NHSL2: variants seen among roughly 807,000 people sequenced by gnomAD.
NHSL2 encodes the protein NHS-like protein 2.
A neutral mutation model predicts 53.4 loss-of-function variants in NHSL2; 27 were observed. The ratio of observed to expected loss-of-function variants is 0.51; its 90% confidence interval spans 0.37 to 0.70. The LOEUF (loss-of-function observed/expected upper bound fraction) is 0.70. NHSL2 is among the 30% of genes least tolerant of loss of function. NHSL2 has a pLI of 0.00. For synonymous variants in NHSL2, 408 were observed against 404.1 expected (o/e 1.01, Z -0.12); for missense variants, 892 against 980.1 (o/e 0.91, Z 1.20).
chrX:72,012,455 T>C (rs757840655), intron 1 of NHSL2, among the ~76,000 whole-genome samples: 36 of 112,531 alleles, frequency 3.2e-4, no homozygotes, highest in Admixed American at 1.9e-3. Flanking sequence ...TAGGAGAGGA[T>C]CCTTCCTTGT....
chrX:72,001,007 C>T (rs922735673), intron 1 of NHSL2, among the ~76,000 whole-genome samples: 6 of 111,575 alleles, frequency 5.4e-5, no homozygotes, highest in African/African-American at 2.0e-4. Context: ...TTTTAGTGGT[C>T]ACAAAATCTG....
At position 72,081,733 on chromosome X, in the gene NHSL2, T is replaced by C. The variant is rs1001103055; in HGVS notation, c.281-50346T>C. ...TTATTTCTCTTCTCTATTGCCTCCT[T>C]TCTACTCTCTAAAAACAGAGCTGAG... is the stretch of plus-strand genomic sequence containing the variant. On this transcript the variant is annotated intron_variant, in intron 1 of 7. Coordinates refer to ENST00000633930, the MANE Select transcript of NHSL2 (RefSeq NM_001013627.3). 3.6e-5 allele frequency among the ~76,000 whole-genome samples: 4 copies of C among 112,587 alleles called. No individual in the cohort carries two copies. In the South Asian group the frequency reaches 1.1e-3, roughly 31 times the overall value.
intron 1 of NHSL2, among the ~76,000 whole-genome samples, chrX:72,119,471 G>T (rs886577513): frequency 2.6e-4 from 29 of 111,996 alleles, no homozygotes; most frequent in African/African-American, 9.1e-4. Context: ...CAAGTTTCAC[G>T]CCATGTTTGT....
intron 1 of NHSL2, among the ~76,000 whole-genome samples, chrX:71,921,032 T>G (rs769750027): frequency 9.1e-6 from 1 of 109,388 alleles, no homozygotes; most frequent in African/African-American, 3.3e-5. Flanking sequence ...CTTGAACTCC[T>G]GACCTCGTGA....
In NHSL2 at chrX:72,144,014, G is replaced by A. The variant is rs184902675; in HGVS notation, c.*440G>A. The A allele has an allele frequency of 3.1e-3, 385 of 123,117 alleles. 4 individuals carry two copies. Among genetic ancestry groups the A allele is most frequent in the South Asian group, 0.019 (65 of 3,511 alleles). The allele number at this position is 123,117 out of a possible 1,213,427, so 10.1% of individuals were successfully genotyped here. ...CATTGCTTATTATTCACTTTCCTAG[G>A]GAGGCTCTGATGGCCCTGTGTGCAA... On this transcript the variant is annotated 3_prime_UTR_variant, in exon 8 of 8. Coordinates refer to ENST00000633930, the MANE Select transcript of NHSL2 (RefSeq NM_001013627.3).
At chrX:72,141,296 T>C (rs1333171091) in intron 6 of NHSL2, 1 of 124,201 alleles carries the variant, frequency 8.1e-6, no homozygotes, top group Non-Finnish European at 1.9e-5. Flanking sequence ...CTCACTTTCT[T>C]GGGTGGTTTG....
At chrX:72,053,149 G>A (rs1426622320) in intron 1 of NHSL2, among the ~76,000 whole-genome samples, 2 of 112,135 alleles carry the variant, frequency 1.8e-5, no homozygotes, top group South Asian at 3.7e-4. Context: ...GCCTTGCCTC[G>A]TTAGGATTTG....
At chrX:72,036,329 A>G (rs1184906535) in intron 1 of NHSL2, among the ~76,000 whole-genome samples, 1 of 112,238 alleles carries the variant, frequency 8.9e-6, no homozygotes, top group African/African-American at 3.2e-5. Context: ...TCTGGCCTCC[A>G]TGGTTTCTGA....
intron 1 of NHSL2, among the ~76,000 whole-genome samples, chrX:71,916,694 G>A (rs958927705): frequency 6.3e-5 from 7 of 111,642 alleles, no homozygotes; most frequent in South Asian, 3.8e-4. Context: ...TGCTCAGTCC[G>A]GTTTGGCGTC....
chrX:72,142,276 G>A lies in NHSL2; in HGVS notation c.3268G>A (p.Asp1090Asn). 8.6e-7 allele frequency: 1 copy of A among 1,159,665 alleles called. No homozygotes were observed. The highest frequency in any genetic ancestry group is 1.2e-6 in the Non-Finnish European group (1 of 866,148). The change falls in exon 7 of 8, where the codon GAT becomes AAT. Residue 1090 changes from aspartate to asparagine, a missense_variant. Coordinates refer to ENST00000633930, the MANE Select transcript of NHSL2 (RefSeq NM_001013627.3). ...CACCGAAGAAAAAAGTTTAATCAGT[G>A]ATAAAACAGCTGAATGGATTGCAGA... ...PGTEEKSLIS[D>N]KTAEWIAEDD...
intron 1 of NHSL2, among the ~76,000 whole-genome samples, chrX:71,934,574 A>T (rs2041728887): frequency 9.0e-6 from 1 of 111,494 alleles, no homozygotes; most frequent in Non-Finnish European, 1.9e-5. Context: ...GAGGTATAGG[A>T]TCTGACTTAA....
intron 1 of NHSL2, among the ~76,000 whole-genome samples, chrX:72,051,998 A>T (rs1204762710): frequency 2.7e-5 from 3 of 112,389 alleles, no homozygotes; most frequent in African/African-American, 9.7e-5. Context: ...TTTCTCTATT[A>T]TAGTATTTAT....
Position 71,948,208 on chromosome X carries a change from A to G in NHSL2, c.280+36841A>G, listed in dbSNP as rs754069352. The stretch of plus-strand genomic sequence containing the variant: ...AAATACCGGTTGAATTGAATTGCTG[A>G]CACTGTTGTGTTGAGGCAGTTTGGC... On this transcript the variant is annotated intron_variant, in intron 1 of 7. Coordinates refer to ENST00000633930, the MANE Select transcript of NHSL2 (RefSeq NM_001013627.3). 8.9e-5 allele frequency among the ~76,000 whole-genome samples: 10 copies of G among 112,518 alleles called. No homozygotes were observed. The South Asian group carries it at 3.3e-3, about 38-fold the overall frequency.
At chrX:72,027,977 TGCTGCTGCTGCTGCTGCC>T (rs1186700903) in intron 1 of NHSL2, among the ~76,000 whole-genome samples, 7 of 111,532 alleles carry the variant, frequency 6.3e-5, no homozygotes, top group African/African-American at 1.6e-4. Flanking sequence ...GTGTTGAGTT[TGCTGCTGCTGCTGCTGCC>T]GCTGCTGCTG....
intron 1 of NHSL2, among the ~76,000 whole-genome samples, chrX:71,997,892 C>T (rs915901172): frequency 2.7e-5 from 3 of 110,930 alleles, no homozygotes; most frequent in African/African-American, 1.0e-4. Context: ...GGAGCTGGCA[C>T]TTAGCACAAC....
In NHSL2 at chrX:72,129,578, C is replaced by T. The variant is rs149578526; in HGVS notation, c.281-2501C>T. 1.7e-3 allele frequency: 606 copies of T among 365,917 alleles called. 4 individuals carry two copies. The highest frequency in any genetic ancestry group is 0.014 in the African/African-American group (564 of 39,326). The allele number at this position is 365,917 out of a possible 1,213,427, so 30.2% of individuals were successfully genotyped here. A position where few individuals can be genotyped will look rare whatever the true frequency, so the allele number is the denominator to read the frequency against. ...AGAAACTTGCTCTCCAGCTCGTGGC[C>T]GGACTGAGCAGAGTACATGCCAAGA... On this transcript the variant is annotated intron_variant, in intron 1 of 7. Transcript: ENST00000633930.
At chrX:72,110,183 G>A (rs1208388490) in intron 1 of NHSL2, among the ~76,000 whole-genome samples, 1 of 111,704 alleles carries the variant, frequency 9.0e-6, no homozygotes, top group African/African-American at 3.3e-5. Flanking sequence ...CATCACCTAC[G>A]AGAGTGTTAA....
chrX:72,116,535 G>A (rs1476565393), intron 1 of NHSL2, among the ~76,000 whole-genome samples: 1 of 112,015 alleles, frequency 8.9e-6, no homozygotes, highest in African/African-American at 3.2e-5. Flanking sequence ...AAAACATATT[G>A]AATCACAAGA....
At chrX:72,065,914 C>G (rs1222458221) in intron 1 of NHSL2, among the ~76,000 whole-genome samples, 1 of 111,715 alleles carries the variant, frequency 9.0e-6, no homozygotes, top group East Asian at 2.8e-4. Flanking sequence ...TTCAGGGAAT[C>G]AAGAGAGAGG....
Sources: gnomAD v4.1 joint callset for allele counts (sites outside exome capture counted in the v4.1 genomes callset) on GRCh38, gnomAD v4.1.1 for gene constraint, MANE v1.5 for transcripts, NCBI Gene and HGNC (gene_info 2026-07-23, HGNC 2026-07-21) for gene names.